Variants in EIF5B observed in about 807,000 individuals in gnomAD.
The protein encoded by EIF5B is eIF-5B.
A neutral mutation model predicts 147.5 loss-of-function variants in EIF5B; 47 were observed. That is an observed-to-expected ratio of 0.32 (90% CI 0.25 to 0.41). EIF5B has a LOEUF of 0.41. Ranked by LOEUF, EIF5B falls within the 10% of genes least tolerant of loss-of-function variation. EIF5B has a pLI of 1.00. For synonymous variants in EIF5B, 455 were observed against 456.2 expected (o/e 1.00, Z 0.03); for missense variants, 1,064 against 1,413.2 (o/e 0.75, Z 3.96).
chr2:99,392,159 T>TTTTAC (rs1380075317), intron 17 of EIF5B, among the ~76,000 whole-genome samples: 1 of 152,104 alleles, frequency 6.6e-6, no homozygotes, highest in Admixed American at 6.6e-5. Context: ...TTTATGTTTA[T>TTTTAC]TTTATTTTAT....
intron 5 of EIF5B, among the ~76,000 whole-genome samples, 198 bp downstream of exon 5, chr2:99,364,060 T>TA (rs1674276093): frequency 6.6e-6 from 1 of 152,240 alleles, no homozygotes; most frequent in African/African-American, 2.4e-5. Flanking sequence ...GATTGCTCGA[T>TA]ACATAAGTTG....
Position 99,361,221 on chromosome 2 carries a change from G to A in EIF5B, c.320G>A (p.Ser107Asn), listed in dbSNP as rs1219210382. 2 of 1,607,086 alleles carry A rather than the reference G, an allele frequency of 1.2e-6. No homozygotes were observed. The highest frequency in any genetic ancestry group is 1.7e-6 in the Non-Finnish European group (2 of 1,178,414). Residue 107 changes from serine (S) to asparagine (N), a missense_variant, in exon 4 of 24, where the codon AGT becomes AAT. Ser to Asn is a conservative substitution (Grantham distance 46). Around this residue, in one of 4 missense-constraint regions of EIF5B, gnomAD observed 458 missense variants for 451.3 expected, o/e 1.01. Transcript: ENST00000289371. ...KKKGQKGKKQ[S>N]FDDNDSEELE... ...AAAGGACAGAAGGGCAAAAAACAGA[G>A]TTTTGATGATAATGATAGCGAAGAA...
intron 6 of EIF5B, among the ~76,000 whole-genome samples, chr2:99,366,519 C>T (rs1674331457): frequency 6.6e-6 from 1 of 152,040 alleles, no homozygotes; most frequent in Non-Finnish European, 1.5e-5. Context: ...ACATGCACAA[C>T]ACACATCCAT....
intron 1 of EIF5B, among the ~76,000 whole-genome samples, chr2:99,353,963 T>C (rs1674039777): frequency 6.6e-6 from 1 of 152,270 alleles, no homozygotes; most frequent in African/African-American, 2.4e-5. Context: ...TTCCAGTTTT[T>C]GGCTATTGAA....
chr2:99,380,049 C>T (rs1559255968), intron 12 of EIF5B, among the ~76,000 whole-genome samples: 1 of 152,112 alleles, frequency 6.6e-6, no homozygotes, highest in South Asian at 2.1e-4. Flanking sequence ...TGTTGATACT[C>T]GAACTCCATC....
chr2:99,359,890 CTTGTT>C, intron 1 of EIF5B, among the ~76,000 whole-genome samples: 1 of 152,256 alleles, frequency 6.6e-6, no homozygotes, highest in African/African-American at 2.4e-5. Flanking sequence ...AGAAATAAGA[CTTGTT>C]TTATGTTTTA....
rs186220725 is a variant in EIF5B at position 99,400,991 on chromosome 2, T to C, written c.*1577T>C. On this transcript the variant is annotated 3_prime_UTR_variant, in exon 24 of 24. Coordinates refer to ENST00000289371, the MANE Select transcript of EIF5B (RefSeq NM_015904.4). ...TTAAACAACTGTAAACACTTCACTGTAAAAATCCATAAAACTTTATAAACA... is the reference window on the plus strand; with the variant it reads ...TTAAACAACTGTAAACACTTCACTGCAAAAATCCATAAAACTTTATAAACA... 3.1e-4 allele frequency: 86 copies of C among 275,744 alleles called. No homozygotes were observed. Among genetic ancestry groups the C allele is most frequent in the Admixed American group, 8.8e-4 (19 of 21,680 alleles). The allele number at this position is 275,744 out of a possible 1,614,324, so 17.1% of individuals were successfully genotyped here. A position where few individuals can be genotyped will look rare whatever the true frequency, so the allele number is the denominator to read the frequency against.
intron 3 of EIF5B, 127 bp from the exon 4 acceptor site, chr2:99,361,021 G>A (rs1674200445): frequency 2.9e-6 from 3 of 1,018,144 alleles, no homozygotes; most frequent in East Asian, 2.9e-5. Flanking sequence ...ATATTCCTGT[G>A]AAAAAGACTT....
chr2:99,361,018 T>C, intron 3 of EIF5B, 130 bp from the exon 4 acceptor site: 1 of 980,750 alleles, frequency 1.0e-6, no homozygotes, highest in Non-Finnish European at 1.4e-6. Context: ...TTTATATTCC[T>C]GTGAAAAAGA....
intron 1 of EIF5B, among the ~76,000 whole-genome samples, chr2:99,338,937 T>TATATATATATATATACATATAC (rs1491555384): frequency 7.4e-6 from 1 of 134,692 alleles, no homozygotes; most frequent in Non-Finnish European, 1.6e-5. Flanking sequence ...TATATATATA[T>TATATATATATATATACATATAC]ACAAATATAT....
At chr2:99,382,072 C>T (rs957560114) in intron 12 of EIF5B, 87 bp from the exon 13 acceptor site, 1 of 1,135,896 alleles carries the variant, frequency 8.8e-7, no homozygotes, top group Non-Finnish European at 1.3e-6. Context: ...GTGATACTTT[C>T]AGAGTTTTAT....
At position 99,361,776 on chromosome 2, in the gene EIF5B, T is replaced by C. The variant is rs547040593; in HGVS notation, c.875T>C (p.Ile292Thr). The C allele has an allele frequency of 1.3e-6, 2 of 1,571,206 alleles. No individual in the cohort carries two copies. The highest frequency in any genetic ancestry group is 2.4e-5 in the South Asian group (2 of 82,674). Reference sequence around the variant, plus strand: ...AAAGTGACTGTTGATACTGGAGTAATTCCTGCCTCTGAAGAGAAAGCAGAG... The same window carrying C: ...AAAGTGACTGTTGATACTGGAGTAACTCCTGCCTCTGAAGAGAAAGCAGAG... ...KSKVTVDTGV[I>T]PASEEKAETP... The change falls in exon 4 of 24, where the codon ATT becomes ACT. Residue 292 changes from isoleucine to threonine, a missense_variant. Physicochemically the swap from Ile to Thr is moderately conservative, Grantham distance 89 (BLOSUM62 -1). This residue lies in a region of EIF5B where 458 missense variants were observed against 451.3 expected (regional missense o/e 1.01). Transcript: ENST00000289371.
intron 1 of EIF5B, among the ~76,000 whole-genome samples, chr2:99,338,790 T>G (rs951697707): frequency 1.3e-5 from 2 of 151,878 alleles, no homozygotes; most frequent in Admixed American, 6.6e-5. Flanking sequence ...GGTACTTTTT[T>G]CCTTGCTAAT....
chr2:99,358,319 AG>A (rs1234816759), intron 1 of EIF5B, among the ~76,000 whole-genome samples: 1 of 152,082 alleles, frequency 6.6e-6, no homozygotes, highest in Admixed American at 6.6e-5. Flanking sequence ...TGCCTGCCTC[AG>A]CCTCCCAAAG....
At chr2:99,378,589 TTCTTAGGTTC>T (rs1396411651) in intron 10 of EIF5B, among the ~76,000 whole-genome samples, 1 of 152,208 alleles carries the variant, frequency 6.6e-6, no homozygotes, top group Non-Finnish European at 1.5e-5. Flanking sequence ...ATCTTTAAAA[TTCTTAGGTTC>T]CAGTGAATTT....
chr2:99,397,033 A>C, intron 22 of EIF5B, 135 bp downstream of exon 22: 1 of 1,015,464 alleles, frequency 9.8e-7, no homozygotes, highest in Non-Finnish European at 1.3e-6. Context: ...CACCTTCTTA[A>C]CAAATGTTTC....
At chr2:99,382,087 A>G in intron 12 of EIF5B, 72 bp from the exon 13 acceptor site, 3 of 1,343,988 alleles carry the variant, frequency 2.2e-6, no homozygotes, top group Non-Finnish European at 3.2e-6. Flanking sequence ...TTTTATGGCA[A>G]AAGGATTGTT....
chr2:99,388,806 C>T (rs1029179042), intron 14 of EIF5B, among the ~76,000 whole-genome samples: 6 of 152,132 alleles, frequency 3.9e-5, no homozygotes, highest in Admixed American at 1.3e-4. Flanking sequence ...GTTTTCATAT[C>T]AGAGTAATGT....
chr2:99,391,374 G>T (rs1674926276), intron 17 of EIF5B, among the ~76,000 whole-genome samples: 1 of 152,140 alleles, frequency 6.6e-6, no homozygotes, highest in African/African-American at 2.4e-5. Context: ...AGCCCATTTT[G>T]TTCAAGGGTC....
Sources: allele counts gnomAD v4.1 joint callset (sites outside exome capture counted in the v4.1 genomes callset), GRCh38; gene constraint gnomAD v4.1.1; regional missense constraint gnomAD v4.1.1; transcripts MANE v1.5; gene names NCBI Gene and HGNC (gene_info 2026-07-23, HGNC 2026-07-21).